RERE: variants seen among roughly 807,000 people sequenced by gnomAD.
The protein encoded by RERE is arginine-glutamic acid dipeptide repeats.
In RERE, 40 loss-of-function variants were observed where a neutral mutation model predicts 146.1. The ratio of observed to expected loss-of-function variants is 0.27; its 90% CI spans 0.21 to 0.36. The LOEUF is 0.36. Ranked by LOEUF, RERE falls within the 10% of genes least tolerant of loss-of-function variation. The pLI is 1.00. For missense variants in RERE, 1,933 were observed against 2,138.7 expected (o/e 0.90, Z 1.90); for synonymous variants, 1,003 against 866.0 (o/e 1.16, Z -2.78).
At chr1:8,787,634 C>T (rs1008053955) in intron 1 of RERE, among the ~76,000 whole-genome samples, 1 of 151,934 alleles carries the variant, frequency 6.6e-6, no homozygotes, top group Non-Finnish European at 1.5e-5. Context: ...AGTTCCAGAC[C>T]ACCCTGGCCA....
chr1:8,581,618 T>C (rs1420467710), intron 4 of RERE, among the ~76,000 whole-genome samples: 1 of 152,212 alleles, frequency 6.6e-6, no homozygotes, highest in Non-Finnish European at 1.5e-5. Context: ...AATTAATGTA[T>C]GGTATGAGGT....
chr1:8,525,496 G>A (rs971899209), intron 7 of RERE, among the ~76,000 whole-genome samples: 3 of 152,206 alleles, frequency 2.0e-5, no homozygotes, highest in African/African-American at 2.4e-5. Flanking sequence ...ACTACGAGCC[G>A]AAGAGGTAAG....
At chr1:8,679,462 C>A (rs1439345955) in intron 1 of RERE, among the ~76,000 whole-genome samples, 1 of 152,160 alleles carries the variant, frequency 6.6e-6, no homozygotes, top group East Asian at 1.9e-4. Context: ...TATCTTACAC[C>A]GTCAGCACTC....
intron 1 of RERE, among the ~76,000 whole-genome samples, chr1:8,707,948 ATTG>A (rs1251831305): frequency 5.3e-5 from 8 of 150,766 alleles, no homozygotes; most frequent in African/African-American, 2.0e-4. Context: ...ATTACAATGT[ATTG>A]TTATAATTGT....
chr1:8,736,381 T>C (rs746314141), intron 1 of RERE, among the ~76,000 whole-genome samples: 5 of 152,156 alleles, frequency 3.3e-5, no homozygotes, highest in Non-Finnish European at 7.3e-5. Context: ...TAATTTTTTG[T>C]ATTTTTTAGT....
At chr1:8,564,826 A>ATGTATGTGTG (rs1553185584) in intron 4 of RERE, among the ~76,000 whole-genome samples, 1 of 117,838 alleles carries the variant, frequency 8.5e-6, no homozygotes, top group Non-Finnish European at 1.7e-5. Flanking sequence ...GTGTGTGTAT[A>ATGTATGTGTG]TGTGTATGTG....
At chr1:8,373,960 C>T (rs1642139352) in intron 12 of RERE, among the ~76,000 whole-genome samples, 1 of 152,222 alleles carries the variant, frequency 6.6e-6, no homozygotes, top group Non-Finnish European at 1.5e-5. Context: ...ACCGAATCCT[C>T]TAATCCCTAA....
chr1:8,601,017 CTT>C (rs34455445), intron 4 of RERE, among the ~76,000 whole-genome samples: 13 of 95,060 alleles, frequency 1.4e-4, no homozygotes, highest in East Asian at 6.6e-4. Flanking sequence ...GTCTCCCAAA[CTT>C]TTTTTTTTTT....
intron 7 of RERE, chr1:8,526,003 C>T (rs1321663360): frequency 4.6e-6 from 6 of 1,295,984 alleles, no homozygotes; most frequent in Non-Finnish European, 4.9e-6. Context: ...GTGACCCTCC[C>T]TCATCCACAC....
chr1:8,477,442 G>A (rs573483552), intron 10 of RERE, among the ~76,000 whole-genome samples: 1 of 152,284 alleles, frequency 6.6e-6, no homozygotes, highest in African/African-American at 2.4e-5. Context: ...AATGGTTCAG[G>A]ACCACAAATG....
chr1:8,387,558 CA>C (rs1485635710), intron 12 of RERE, among the ~76,000 whole-genome samples: 1 of 152,096 alleles, frequency 6.6e-6, no homozygotes, highest in Non-Finnish European at 1.5e-5. Context: ...ATTTGCAACA[CA>C]CATTATTTAA....
Position 8,423,577 on chromosome 1 carries a change from T to A in RERE, c.1204-770A>T, listed in dbSNP as rs1643948456. On this transcript the variant is annotated intron_variant, in intron 11 of 22. Coordinates refer to ENST00000400908, the MANE Select transcript of RERE (RefSeq NM_001042681.2). The surrounding 1 kb of genome is among the most constrained non-coding windows in gnomAD (Gnocchi z 5.4). ...AGCCCCCACCTCGGGGCTCCCAGCC[T>A]GGTCCCGGGCGGCCGACCCCAGCAG... 6 of 984,898 alleles carry A rather than the reference T, an allele frequency of 6.1e-6. No homozygotes were observed. The highest frequency in any genetic ancestry group is 6.0e-6 in the Non-Finnish European group (5 of 829,778). The allele number at this position is 984,898 out of a possible 1,614,324, so 61.0% of individuals were successfully genotyped here.
intron 1 of RERE, among the ~76,000 whole-genome samples, chr1:8,741,587 C>T (rs987459509): frequency 6.6e-6 from 1 of 152,082 alleles, no homozygotes; most frequent in African/African-American, 2.4e-5. Context: ...TTCCCCACTT[C>T]GCTCAGCACT....
At chr1:8,741,524 T>C (rs1484157142) in intron 1 of RERE, among the ~76,000 whole-genome samples, 1 of 152,212 alleles carries the variant, frequency 6.6e-6, no homozygotes, top group African/African-American at 2.4e-5. Context: ...GCTGTTCTCG[T>C]GATGGTCAGT....
intron 1 of RERE, among the ~76,000 whole-genome samples, chr1:8,704,193 A>G (rs1215626659): frequency 1.3e-5 from 2 of 152,240 alleles, no homozygotes; most frequent in African/African-American, 4.8e-5. Context: ...CCCACAATTA[A>G]TTCTGGTAAA....
intron 1 of RERE, among the ~76,000 whole-genome samples, chr1:8,751,859 T>C (rs1266356121): frequency 6.7e-6 from 1 of 149,450 alleles, no homozygotes; most frequent in Non-Finnish European, 1.5e-5. Flanking sequence ...AAAGTAAATA[T>C]GGAAAAAGAC....
chr1:8,456,618 A>T (rs766795201), intron 11 of RERE, among the ~76,000 whole-genome samples: 1 of 152,202 alleles, frequency 6.6e-6, no homozygotes. Flanking sequence ...ATGTAATTTA[A>T]CTGTGAGGTA....
At chr1:8,727,116 T>C (rs796296690) in intron 1 of RERE, among the ~76,000 whole-genome samples, 25 of 151,382 alleles carry the variant, frequency 1.7e-4, no homozygotes, top group African/African-American at 5.1e-4. Flanking sequence ...ACTGACCTTT[T>C]TTCAGTGGAT....
chr1:8,591,172 C>T (rs945368224), intron 4 of RERE, among the ~76,000 whole-genome samples: 11 of 152,116 alleles, frequency 7.2e-5, no homozygotes, highest in Admixed American at 7.2e-4. Context: ...CCAGCCTCCA[C>T]GGGGCAACAA....
Sources: allele counts gnomAD v4.1 joint callset (sites outside exome capture counted in the v4.1 genomes callset), GRCh38; gene constraint gnomAD v4.1.1; non-coding constraint Gnocchi (gnomAD v3.1); transcripts MANE v1.5; gene names NCBI Gene and HGNC (gene_info 2026-07-23, HGNC 2026-07-21).